FOXQ1: variants seen among roughly 807,000 people sequenced by gnomAD.
FOXQ1 encodes forkhead box protein Q1.
FOXQ1 carries 1 observed loss-of-function variant against 0.6 expected under a neutral mutation model. The observed-to-expected ratio is 1.73, with a 90% CI of 0.61 to 8.20. FOXQ1 has a LOEUF of 8.20. Ranked by LOEUF, FOXQ1 falls within the 30% of genes most tolerant of loss-of-function variation. The pLI is 0.13. For synonymous variants in FOXQ1, 377 were observed against 294.4 expected (o/e 1.28, Z -2.87); for missense variants, 734 against 595.6 (o/e 1.23, Z -2.42).
Position 1,313,268 on chromosome 6 carries a change from G to C in FOXQ1, c.564G>C (p.Trp188Cys). 6.2e-7 allele frequency: 1 copy of C among 1,610,310 alleles called. No individual in the cohort carries two copies. Among genetic ancestry groups the C allele is most frequent in the Non-Finnish European group, 8.5e-7 (1 of 1,178,888 alleles). ...VKVLRDPSRP[W>C]GKDNYWMLNP... ...TGCTGCGCGACCCCTCGCGGCCCTG[G>C]GGCAAGGACAACTACTGGATGCTCA... Residue 188 changes from tryptophan (W) to cysteine (C), a missense_variant, in exon 1 of 1, where the codon TGG (tryptophan) becomes TGC (cysteine). Transcript: ENST00000296839. The surrounding 1 kb of genome is among the most constrained non-coding windows in gnomAD (Gnocchi z 5.2).
chr6:1,313,274 G>A lies in FOXQ1; in HGVS notation c.570G>A (p.Lys190=), dbSNP rs745749727. The change falls in exon 1 of 1, where the codon AAG becomes AAA. Residue 190 remains lysine, a synonymous_variant. Transcript: ENST00000296839. This position sits in a 1 kb window ranked among gnomAD's most constrained non-coding sequence, Gnocchi z 5.2. The part of the protein sequence containing the change: ...VLRDPSRPWG[K]DNYWMLNPNS... ...GCGACCCCTCGCGGCCCTGGGGCAA[G>A]GACAACTACTGGATGCTCAACCCCA... The A allele has an allele frequency of 7.5e-6, 12 of 1,609,978 alleles. No individual in the cohort carries two copies. Among genetic ancestry groups the A allele is most frequent in the East Asian group, 6.7e-5 (3 of 44,574 alleles).
In FOXQ1 at chr6:1,313,584, A is replaced by G; in HGVS notation, c.880A>G (p.Thr294Ala). 1 of 1,189,494 alleles carries G rather than the reference A, an allele frequency of 8.4e-7. No homozygotes were observed. The highest frequency in any genetic ancestry group is 1.1e-6 in the Non-Finnish European group (1 of 947,666). The allele number at this position is 1,189,494 out of a possible 1,614,324, so 73.7% of individuals were successfully genotyped here. A position where few individuals can be genotyped will look rare whatever the true frequency, so the allele number is the denominator to read the frequency against. ...CCTCAGGGACACGGCCCCCGGGACG[A>G]CGCTTCAGTGGGGCGCCGCGCCCTG... ...RRLRDTAPGT[T>A]LQWGAAPCPP... The change falls in exon 1 of 1, where the codon ACG becomes GCG. Residue 294 changes from threonine to alanine, a missense_variant. Thr to Ala is a moderately conservative substitution (Grantham distance 58, BLOSUM62 0). Coordinates refer to ENST00000296839, the MANE Select transcript of FOXQ1 (RefSeq NM_033260.4). The surrounding 1 kb of genome is among the most constrained non-coding windows in gnomAD (Gnocchi z 5.2).
At position 1,313,246 on chromosome 6, in the gene FOXQ1, T is replaced by C. The variant is rs1248996166; in HGVS notation, c.542T>C (p.Leu181Pro). 6 of 1,610,144 alleles carry C rather than the reference T, an allele frequency of 3.7e-6. No individual in the cohort carries two copies. In the South Asian group the frequency reaches 6.6e-5, roughly 18 times the overall value. Residue 181 changes from leucine to proline, a missense_variant, in exon 1 of 1, where the codon CTG becomes CCG. Coordinates refer to ENST00000296839, the MANE Select transcript of FOXQ1 (RefSeq NM_033260.4). The surrounding 1 kb of genome is among the most constrained non-coding windows in gnomAD (Gnocchi z 5.2). ...LSLNDCFVKV[L>P]RDPSRPWGKD... ...CTCAACGACTGCTTCGTCAAGGTGCTGCGCGACCCCTCGCGGCCCTGGGGC... is the reference window on the plus strand; with the variant it reads ...CTCAACGACTGCTTCGTCAAGGTGCCGCGCGACCCCTCGCGGCCCTGGGGC...
Position 1,313,561 on chromosome 6 carries a change from TC to T in FOXQ1, c.858del (p.Arg287GlyfsTer116). 1.6e-6 allele frequency: 2 copies of T among 1,254,536 alleles called. No homozygotes were observed. Among genetic ancestry groups the T allele is most frequent in the South Asian group, 1.6e-5 (1 of 61,142 alleles). The allele number at this position is 1,254,536 out of a possible 1,614,324, so 77.7% of individuals were successfully genotyped here. ...ILRKPFRSRRLRDTAPGTTLQ... is the reference protein window; with the variant it reads ...ILRKPFRSRRXRDTAPGTTLQ... ...CGCAAGCCCTTCCGCAGCCGCCGCC[TC>T]AGGGACACGGCCCCCGGGACGACGC... On this transcript the variant is annotated frameshift_variant, in exon 1 of 1. Transcript: ENST00000296839. LOFTEE classifies it low-confidence loss of function (END_TRUNC). This position sits in a 1 kb window ranked among gnomAD's most constrained non-coding sequence, Gnocchi z 5.2.
chr6:1,312,957 G>C lies in FOXQ1; in HGVS notation c.253G>C (p.Ala85Pro). The C allele has an allele frequency of 7.8e-7, 1 of 1,281,460 alleles. No individual in the cohort carries two copies. Among genetic ancestry groups the C allele is most frequent in the East Asian group, 3.1e-5 (1 of 31,798 alleles). The allele number at this position is 1,281,460 out of a possible 1,614,324, so 79.4% of individuals were successfully genotyped here. ...GGCGATCCCGGCAGCAGCTGCTGCA[G>C]CGGTGGTGGCGGAGGGCGCGGAGGC... The part of the protein sequence containing the change: ...EEAIPAAAAA[A>P]VVAEGAEAGA... The change falls in exon 1 of 1, where the codon GCG becomes CCG. Residue 85 changes from alanine (A) to proline (P), a missense_variant. Physicochemically the swap from Ala to Pro is conservative, Grantham distance 27. Transcript: ENST00000296839.
In FOXQ1 at chr6:1,312,634, C is replaced by T; in HGVS notation, c.-71C>T. The T allele has an allele frequency of 1.6e-6, 2 of 1,276,200 alleles. No individual in the cohort carries two copies. Among genetic ancestry groups the T allele is most frequent in the Non-Finnish European group, 2.0e-6 (2 of 1,010,524 alleles). 79.1% of individuals were successfully genotyped at this position (1,276,200 alleles called of 1,614,324 possible). On this transcript the variant is annotated 5_prime_UTR_variant, in exon 1 of 1. Transcript: ENST00000296839. ...CCGGCCCCGGATCGCCATCCCCTTC[C>T]CTGGCACCAGCTTCTCTAGGCTGCG...
At position 1,313,078 on chromosome 6, in the gene FOXQ1, T is replaced by A; in HGVS notation, c.374T>A (p.Ile125Asn). Residue 125 changes from isoleucine (I) to asparagine (N), a missense_variant, in exon 1 of 1, where the codon ATC (isoleucine) becomes AAC (asparagine). Coordinates refer to ENST00000296839, the MANE Select transcript of FOXQ1 (RefSeq NM_033260.4). This position sits in a 1 kb window ranked among gnomAD's most constrained non-coding sequence, Gnocchi z 5.2. The part of the protein sequence containing the change: ...TRRPKPPYSY[I>N]ALIAMAIRDS... ...CGGCCCAAGCCCCCCTACTCGTACA[T>A]CGCGCTCATCGCCATGGCCATCCGC... is the stretch of plus-strand genomic sequence containing the variant. 1 of 1,605,270 alleles carries A rather than the reference T, an allele frequency of 6.2e-7. No individual in the cohort carries two copies. Among genetic ancestry groups the A allele is most frequent in the Non-Finnish European group, 8.5e-7 (1 of 1,176,164 alleles).
At position 1,314,083 on chromosome 6, in the gene FOXQ1, T is replaced by C. The variant is rs1757603301; in HGVS notation, c.*167T>C. 4 of 969,404 alleles carry C rather than the reference T, an allele frequency of 4.1e-6. No individual in the cohort carries two copies. Among genetic ancestry groups the C allele is most frequent in the Non-Finnish European group, 5.4e-6 (4 of 743,962 alleles). 60.1% of individuals were successfully genotyped at this position (969,404 alleles called of 1,614,324 possible). A position where few individuals can be genotyped will look rare whatever the true frequency, so the allele number is the denominator to read the frequency against. On this transcript the variant is annotated 3_prime_UTR_variant, in exon 1 of 1. Transcript: ENST00000296839. ...TTTTGACAGGAGTATTTAAACTTAGTCCAGGATATTTTCCTTTGTGTTTTA... is the reference window on the plus strand; with the variant it reads ...TTTTGACAGGAGTATTTAAACTTAGCCCAGGATATTTTCCTTTGTGTTTTA...
chr6:1,312,231 A>C lies in FOXQ1; in HGVS notation c.-474A>C, dbSNP rs954349118. Among the ~76,000 whole-genome samples, 12 of 152,090 alleles carry C rather than the reference A, an allele frequency of 7.9e-5. No individual in the cohort carries two copies. Among genetic ancestry groups the C allele is most frequent in the African/African-American group, 2.9e-4 (12 of 41,430 alleles). ...GGCTGAAGGCGCCGGACCTTCCCCC[A>C]CGGTGGCACGCACATCATCCGGCAC... On this transcript the variant is annotated 5_prime_UTR_variant, in exon 1 of 1. Transcript: ENST00000296839.
rs948205703 is a variant in FOXQ1, at chr6:1,312,820, C to T, written c.116C>T (p.Ser39Phe). Reference sequence around the variant, plus strand: ...CCGCTGTCGGCGGCGGGAGACGACTCCCTGGGCTCAGATGGGGACTGCGCG... The same window carrying T: ...CCGCTGTCGGCGGCGGGAGACGACTTCCTGGGCTCAGATGGGGACTGCGCG... ...PSPLSAAGDD[S>F]LGSDGDCAAN... Residue 39 changes from serine to phenylalanine, a missense_variant, in exon 1 of 1, where the codon TCC (serine) becomes TTC (phenylalanine). Coordinates refer to ENST00000296839, the MANE Select transcript of FOXQ1 (RefSeq NM_033260.4). 9 of 1,306,342 alleles carry T rather than the reference C, an allele frequency of 6.9e-6. No individual in the cohort carries two copies. The highest frequency in any genetic ancestry group is 2.5e-4 in the Middle Eastern group (1 of 4,064). 80.9% of individuals were successfully genotyped at this position (1,306,342 alleles called of 1,614,324 possible). A position where few individuals can be genotyped will look rare whatever the true frequency, so the allele number is the denominator to read the frequency against.
At position 1,313,310 on chromosome 6, in the gene FOXQ1, C is replaced by T; in HGVS notation, c.606C>T (p.Tyr202=). The T allele has an allele frequency of 3.2e-6, 5 of 1,585,326 alleles. No individual in the cohort carries two copies. Among genetic ancestry groups the T allele is most frequent in the Non-Finnish European group, 4.3e-6 (5 of 1,167,224 alleles). The change falls in exon 1 of 1, where the codon TAC becomes TAT. Residue 202 remains tyrosine, a synonymous_variant. Transcript: ENST00000296839. The surrounding 1 kb of genome is among the most constrained non-coding windows in gnomAD (Gnocchi z 5.2). ...GGATGCTCAACCCCAACAGCGAGTA[C>T]ACCTTCGCCGACGGGGTCTTCCGCC... The part of the protein sequence containing the change: ...NYWMLNPNSE[Y]TFADGVFRRR...
rs2113291474 is a variant in FOXQ1, at chr6:1,313,014, G to A, written c.310G>A (p.Gly104Arg). The change falls in exon 1 of 1, where the codon GGG becomes AGG. Residue 104 changes from glycine to arginine, a missense_variant. Gly to Arg is a moderately radical substitution (Grantham distance 125, BLOSUM62 -2). Coordinates refer to ENST00000296839, the MANE Select transcript of FOXQ1 (RefSeq NM_033260.4). The surrounding 1 kb of genome is among the most constrained non-coding windows in gnomAD (Gnocchi z 5.2). ...GGCGGGGCCAGGCGCGGGCGGCGCG[G>A]GGAGCGGCGAGGGTGCACGCAGCAA... ...GAAGPGAGGAGSGEGARSKPY... is the reference protein window; with the variant it reads ...GAAGPGAGGARSGEGARSKPY... The A allele has an allele frequency of 7.1e-7, 1 of 1,411,912 alleles. No individual in the cohort carries two copies. The highest frequency in any genetic ancestry group is 9.2e-7 in the Non-Finnish European group (1 of 1,083,564). 87.5% of individuals were successfully genotyped at this position (1,411,912 alleles called of 1,614,324 possible). A position where few individuals can be genotyped will look rare whatever the true frequency, so the allele number is the denominator to read the frequency against.
Position 1,314,573 on chromosome 6 carries a change from G to A in FOXQ1, c.*657G>A, listed in dbSNP as rs1201223657. ...TCTAACTGTGGTCTCCTTGGGCCAAGCAATTTCTTTAAAGGAAAAGTTGAT... is the reference window on the plus strand; with the variant it reads ...TCTAACTGTGGTCTCCTTGGGCCAAACAATTTCTTTAAAGGAAAAGTTGAT... On this transcript the variant is annotated 3_prime_UTR_variant, in exon 1 of 1. Coordinates refer to ENST00000296839, the MANE Select transcript of FOXQ1 (RefSeq NM_033260.4). The A allele has an allele frequency of 1.2e-5, 2 of 167,082 alleles. No individual in the cohort carries two copies. Among genetic ancestry groups the A allele is most frequent in the African/African-American group, 4.8e-5 (2 of 41,576 alleles). 10.3% of individuals were successfully genotyped at this position (167,082 alleles called of 1,614,324 possible). A position where few individuals can be genotyped will look rare whatever the true frequency, so the allele number is the denominator to read the frequency against.
rs773628191 is a variant in FOXQ1 at position 1,313,827 on chromosome 6, C to A, written c.1123C>A (p.Pro375Thr). The A allele has an allele frequency of 7.7e-7, 1 of 1,296,004 alleles. No homozygotes were observed. Among genetic ancestry groups the A allele is most frequent in the East Asian group, 3.2e-5 (1 of 31,548 alleles). 80.3% of individuals were successfully genotyped at this position (1,296,004 alleles called of 1,614,324 possible). Residue 375 changes from proline (P) to threonine (T), a missense_variant, in exon 1 of 1, where the codon CCC becomes ACC. Physicochemically the swap from Pro to Thr is conservative, Grantham distance 38. Transcript: ENST00000296839. This position sits in a 1 kb window ranked among gnomAD's most constrained non-coding sequence, Gnocchi z 5.2. ...GGCCGGCGGCGCGCACCTGTACTGC[C>A]CCCTGCGGCTGCCCGCAGCCCTGCA... ...PAAGGAHLYC[P>T]LRLPAALQAA...
At position 1,312,666 on chromosome 6, in the gene FOXQ1, A is replaced by G; in HGVS notation, c.-39A>G. On this transcript the variant is annotated 5_prime_UTR_variant, in exon 1 of 1. Coordinates refer to ENST00000296839, the MANE Select transcript of FOXQ1 (RefSeq NM_033260.4). The stretch of plus-strand genomic sequence containing the variant: ...CCAGCTTCTCTAGGCTGCGCGAAGG[A>G]AGAGGGTACGACGCCGGGGAGGGAC... The G allele has an allele frequency of 7.8e-7, 1 of 1,289,262 alleles. No homozygotes were observed. The highest frequency in any genetic ancestry group is 9.8e-7 in the Non-Finnish European group (1 of 1,020,396). 79.9% of individuals were successfully genotyped at this position (1,289,262 alleles called of 1,614,324 possible).
In FOXQ1 at chr6:1,313,383, C is replaced by A. The variant is rs765957475; in HGVS notation, c.679C>A (p.Leu227Met). 18 of 1,392,250 alleles carry A rather than the reference C, an allele frequency of 1.3e-5. No individual in the cohort carries two copies. In the Admixed American group the frequency reaches 1.5e-4, roughly 12 times the overall value. The allele number at this position is 1,392,250 out of a possible 1,614,324, so 86.2% of individuals were successfully genotyped here. A position where few individuals can be genotyped will look rare whatever the true frequency, so the allele number is the denominator to read the frequency against. Residue 227 changes from leucine (L) to methionine (M), a missense_variant, in exon 1 of 1, where the codon CTG becomes ATG. Physicochemically the swap from Leu to Met is conservative, Grantham distance 15 (BLOSUM62 2). Coordinates refer to ENST00000296839, the MANE Select transcript of FOXQ1 (RefSeq NM_033260.4). The surrounding 1 kb of genome is among the most constrained non-coding windows in gnomAD (Gnocchi z 5.2). ...SHRAPVPAPG[L>M]RPEEAPGLPA... ...CCGCGCGCCGGTCCCCGCGCCCGGG[C>A]TGCGGCCCGAGGAGGCCCCGGGCCT...
In FOXQ1 at chr6:1,313,861, C is replaced by T. The variant is rs1308755582; in HGVS notation, c.1157C>T (p.Ser386Leu). The T allele has an allele frequency of 2.3e-6, 3 of 1,310,314 alleles. No homozygotes were observed. Among genetic ancestry groups the T allele is most frequent in the African/African-American group, 1.5e-5 (1 of 64,976 alleles). The allele number at this position is 1,310,314 out of a possible 1,614,324, so 81.2% of individuals were successfully genotyped here. A position where few individuals can be genotyped will look rare whatever the true frequency, so the allele number is the denominator to read the frequency against. The change falls in exon 1 of 1, where the codon TCA becomes TTA. Residue 386 changes from serine to leucine, a missense_variant. By Grantham distance (145) the Ser-to-Leu change is moderately radical. Coordinates refer to ENST00000296839, the MANE Select transcript of FOXQ1 (RefSeq NM_033260.4). The surrounding 1 kb of genome is among the most constrained non-coding windows in gnomAD (Gnocchi z 5.2). ...LRLPAALQAA[S>L]VRRPGPHLPY... ...CTGCCCGCAGCCCTGCAGGCGGCCT[C>T]AGTCCGCCGCCCTGGCCCGCACCTG...
chr6:1,313,243 T>G lies in FOXQ1; in HGVS notation c.539T>G (p.Val180Gly). Residue 180 changes from valine (V) to glycine (G), a missense_variant, in exon 1 of 1, where the codon GTG (valine) becomes GGG (glycine). Transcript: ENST00000296839. This position sits in a 1 kb window ranked among gnomAD's most constrained non-coding sequence, Gnocchi z 5.2. ...TCGCTCAACGACTGCTTCGTCAAGG[T>G]GCTGCGCGACCCCTCGCGGCCCTGG... ...NLSLNDCFVKVLRDPSRPWGK... is the reference protein window; with the variant it reads ...NLSLNDCFVKGLRDPSRPWGK... 6.2e-7 allele frequency: 1 copy of G among 1,610,006 alleles called. No individual in the cohort carries two copies. The highest frequency in any genetic ancestry group is 8.5e-7 in the Non-Finnish European group (1 of 1,178,710).
At position 1,312,164 on chromosome 6, in the gene FOXQ1, C is replaced by G. The variant is rs2113289976; in HGVS notation, c.-541C>G. On this transcript the variant is annotated 5_prime_UTR_variant, in exon 1 of 1. Coordinates refer to ENST00000296839, the MANE Select transcript of FOXQ1 (RefSeq NM_033260.4). ...GAGGCTGGGAGCGGGAAGGCGGCTG[C>G]GGGCGCAGCGGCCTCGGGGACTCGC... Among the ~76,000 whole-genome samples, 1 of 152,326 alleles carries G rather than the reference C, an allele frequency of 6.6e-6. No individual in the cohort carries two copies. Among genetic ancestry groups the G allele is most frequent in the East Asian group, 1.9e-4 (1 of 5,160 alleles).
Sources: gnomAD v4.1 joint callset for allele counts (sites outside exome capture counted in the v4.1 genomes callset) on GRCh38, gnomAD v4.1.1 for gene constraint, Gnocchi (gnomAD v3.1) non-coding constraint, MANE v1.5 for transcripts, NCBI Gene and HGNC (gene_info 2026-07-23, HGNC 2026-07-21) for gene names.